Variants in ZDHHC14 observed in about 807,000 individuals in gnomAD.
The protein encoded by ZDHHC14 is zDHHC palmitoyltransferase 14.
In ZDHHC14, 16 loss-of-function variants were observed where a neutral mutation model predicts 47.7. The ratio of observed to expected loss-of-function variants is 0.34; its 90% CI spans 0.23 to 0.51. ZDHHC14 has a LOEUF of 0.51. Among genes scored for constraint, ZDHHC14 ranks in the 20% least tolerant of loss-of-function variants. The pLI is 0.97. For synonymous variants in ZDHHC14, 293 were observed against 278.9 expected (o/e 1.05, Z -0.50); for missense variants, 515 against 662.5 (o/e 0.78, Z 2.44).
intron 1 of ZDHHC14, among the ~76,000 whole-genome samples, chr6:157,415,920 A>T (rs1390624349): frequency 6.6e-6 from 1 of 151,980 alleles, no homozygotes; most frequent in Admixed American, 6.5e-5. Flanking sequence ...ACTCCAAGGG[A>T]GGTATAATTT....
intron 1 of ZDHHC14, among the ~76,000 whole-genome samples, chr6:157,464,956 C>G (rs1211870051): frequency 1.3e-5 from 2 of 152,144 alleles, no homozygotes; most frequent in Non-Finnish European, 2.9e-5. Context: ...GGCCAGTGTT[C>G]CAAGAAACCA....
At chr6:157,593,240 G>A in intron 3 of ZDHHC14, 94 bp downstream of exon 3, 4 of 1,436,852 alleles carry the variant, frequency 2.8e-6, no homozygotes, top group Admixed American at 2.3e-5. Flanking sequence ...CTCAGTAATG[G>A]TTAATATTTC....
At chr6:157,545,571 G>A (rs962621348) in intron 2 of ZDHHC14, among the ~76,000 whole-genome samples, 11 of 152,104 alleles carry the variant, frequency 7.2e-5, no homozygotes, top group African/African-American at 2.2e-4. Context: ...CCAGCTACTC[G>A]GGAGGCTGAG....
At chr6:157,441,153 C>T (rs1778553435) in intron 1 of ZDHHC14, among the ~76,000 whole-genome samples, 2 of 152,128 alleles carry the variant, frequency 1.3e-5, no homozygotes, top group South Asian at 2.1e-4. Context: ...GGGAACCACA[C>T]CTTTTAGGAG....
intron 1 of ZDHHC14, among the ~76,000 whole-genome samples, chr6:157,518,907 C>A (rs984852448): frequency 9.8e-5 from 15 of 152,352 alleles, no homozygotes; most frequent in Admixed American, 6.5e-4. Context: ...GTGGGGCACA[C>A]AAACGCTACA....
In ZDHHC14 at chr6:157,494,449, G is replaced by T. The variant is rs146928628; in HGVS notation, c.246-48136G>T. On this transcript the variant is annotated intron_variant, in intron 1 of 8. Coordinates refer to ENST00000359775, the MANE Select transcript of ZDHHC14 (RefSeq NM_024630.3). ...ATCTCTGGTCTGGAGAGGTAGACAG[G>T]GCATTTGTTCTGATTTCCACTTGAA... 1.2e-3 allele frequency among the ~76,000 whole-genome samples: 180 copies of T among 152,290 alleles called. 3 individuals carry two copies. In the East Asian group the frequency reaches 0.033, roughly 28 times the overall value.
chr6:157,513,981 G>C (rs1270908459), intron 1 of ZDHHC14, among the ~76,000 whole-genome samples: 1 of 152,064 alleles, frequency 6.6e-6, no homozygotes, highest in Non-Finnish European at 1.5e-5. Context: ...CCTGGTCCCA[G>C]GCTCTTCCCA....
chr6:157,653,642 C>T lies in ZDHHC14; in HGVS notation c.1068+15C>T. ...AGAGTGACATGGTAGGAGTGGGGGC[C>T]ACTGCTCCCTGCGAGGGCTTCCCTT... On this transcript the variant is annotated intron_variant, in intron 8 of 8. Coordinates refer to ENST00000359775, the MANE Select transcript of ZDHHC14 (RefSeq NM_024630.3). The T allele has an allele frequency of 6.2e-7, 1 of 1,610,054 alleles. No homozygotes were observed. The highest frequency in any genetic ancestry group is 8.5e-7 in the Non-Finnish European group (1 of 1,177,764).
chr6:157,604,834 A>G lies in ZDHHC14; in HGVS notation c.565+11688A>G, dbSNP rs373941734. On this transcript the variant is annotated intron_variant, in intron 3 of 8. Coordinates refer to ENST00000359775, the MANE Select transcript of ZDHHC14 (RefSeq NM_024630.3). ...GCTGGGATTACAGGTGTGAGCCACC[A>G]TGCCCAGCCCTACACAGTGCCTTGC... Among the ~76,000 whole-genome samples, 52 of 152,262 alleles carry G rather than the reference A, an allele frequency of 3.4e-4. 1 individual carries two copies. In the South Asian group the frequency reaches 0.01, roughly 30 times the overall value.
In ZDHHC14 at chr6:157,427,294, G is replaced by T. The variant is rs1050784203; in HGVS notation, c.245+45028G>T. 2.0e-5 allele frequency among the ~76,000 whole-genome samples: 3 copies of T among 152,186 alleles called. No individual in the cohort carries two copies. Among genetic ancestry groups the T allele is most frequent in the Non-Finnish European group, 4.4e-5 (3 of 68,036 alleles). The stretch of plus-strand genomic sequence containing the variant: ...GTTGATTTTAAACATAATACAGCAA[G>T]TGGGCAGAGATGTGAGGGTTGGGGT... On this transcript the variant is annotated intron_variant, in intron 1 of 8. Coordinates refer to ENST00000359775, the MANE Select transcript of ZDHHC14 (RefSeq NM_024630.3). This position sits in a 1 kb window ranked among gnomAD's most constrained non-coding sequence, Gnocchi z 4.4.
At chr6:157,595,716 C>T (rs954282437) in intron 3 of ZDHHC14, among the ~76,000 whole-genome samples, 2 of 152,288 alleles carry the variant, frequency 1.3e-5, no homozygotes, top group East Asian at 3.9e-4. Flanking sequence ...CGGTGTACTT[C>T]TGCATGTGTG....
chr6:157,585,229 A>G (rs1738496047), intron 2 of ZDHHC14, among the ~76,000 whole-genome samples: 1 of 151,966 alleles, frequency 6.6e-6, no homozygotes, highest in African/African-American at 2.4e-5. Context: ...AAATAAATAA[A>G]TATACTGACT....
Position 157,676,933 on chromosome 6 carries a change from A to G in ZDHHC14, c.*3811A>G, listed in dbSNP as rs560795814. ...TATTATAAGGAATCTTCCCAGAAGG[A>G]GCTGCCCTTCATCCATCCACAAGAA... is the stretch of plus-strand genomic sequence containing the variant. On this transcript the variant is annotated 3_prime_UTR_variant, in exon 9 of 9. Transcript: ENST00000359775. 6.6e-6 allele frequency: 1 copy of G among 152,336 alleles called. No individual in the cohort carries two copies. Among genetic ancestry groups the G allele is most frequent in the South Asian group, 2.1e-4 (1 of 4,828 alleles). 9.4% of individuals were successfully genotyped at this position (152,336 alleles called of 1,614,324 possible).
intron 8 of ZDHHC14, among the ~76,000 whole-genome samples, chr6:157,660,189 T>C (rs586476): frequency 0.4 from 44,510 of 110,984 alleles, 7,394 homozygotes; most frequent in South Asian, 0.46. Context: ...TCTTTTTTTC[T>C]TTTTTTTTTT....
intron 2 of ZDHHC14, among the ~76,000 whole-genome samples, chr6:157,584,714 C>T (rs1054322529): frequency 6.6e-6 from 1 of 152,220 alleles, no homozygotes; most frequent in Non-Finnish European, 1.5e-5. Flanking sequence ...ACATGCCGCA[C>T]AGCCCCAATT....
At chr6:157,653,464 G>A (rs1420760255) in intron 7 of ZDHHC14, 61 bp from the exon 8 acceptor site, 2 of 1,578,816 alleles carry the variant, frequency 1.3e-6, no homozygotes, top group Non-Finnish European at 1.7e-6. Context: ...CTGAGATAGT[G>A]CTGCTGCATC....
Position 157,504,703 on chromosome 6 carries a change from G to A in ZDHHC14, c.246-37882G>A, listed in dbSNP as rs77601108. ...TGGGGTTACAGGCGTGAGCCACCGC[G>A]CCCGGCCTGCATGGGCATATCTTAA... On this transcript the variant is annotated intron_variant, in intron 1 of 8. Coordinates refer to ENST00000359775, the MANE Select transcript of ZDHHC14 (RefSeq NM_024630.3). 5.3e-5 allele frequency among the ~76,000 whole-genome samples: 8 copies of A among 152,034 alleles called. No homozygotes were observed. The East Asian group carries it at 7.8e-4, about 15-fold the overall frequency.
chr6:157,638,508 A>G (rs1369343251), intron 5 of ZDHHC14, among the ~76,000 whole-genome samples: 1 of 152,016 alleles, frequency 6.6e-6, no homozygotes. Flanking sequence ...AAAAAAAAAA[A>G]GGGACTGGGC....
At chr6:157,630,510 C>T (rs1010511480) in intron 4 of ZDHHC14, 3 of 152,120 alleles carry the variant, frequency 2.0e-5, no homozygotes, top group African/African-American at 4.8e-5. Flanking sequence ...ATATACTCAC[C>T]AATACGCTCA....
Sources: allele counts gnomAD v4.1 joint callset (sites outside exome capture counted in the v4.1 genomes callset), GRCh38; gene constraint gnomAD v4.1.1; non-coding constraint Gnocchi (gnomAD v3.1); transcripts MANE v1.5; gene names NCBI Gene and HGNC (gene_info 2026-07-23, HGNC 2026-07-21).